GSAP: variants seen among roughly 807,000 people sequenced by gnomAD.
GSAP encodes gamma-secretase activating protein, also known as gamma-secretase-activating protein.
In GSAP, 118 loss-of-function variants were observed where a neutral mutation model predicts 131.7. That is an observed-to-expected ratio of 0.90 (90% CI 0.77 to 1.04). The LOEUF (loss-of-function observed/expected upper bound fraction) is 1.04, where lower values mean the gene tolerates loss of function less well. Ranked by LOEUF, GSAP falls within the 50% of genes least tolerant of loss-of-function variation. The pLI is 0.00. For synonymous variants in GSAP, 381 were observed against 363.4 expected, an observed-to-expected ratio of 1.05 and a Z score of -0.55; for missense variants, 1,019 against 1,013.2, an observed-to-expected ratio of 1.01 and a Z score of -0.08.
At chr7:77,360,219 C>T (rs1032396815) in intron 14 of GSAP, among the ~76,000 whole-genome samples, 1 of 152,186 alleles carries the variant, frequency 6.6e-6, no homozygotes, top group Non-Finnish European at 1.5e-5. Flanking sequence ...TAAATCATTA[C>T]TTAGTCTTGT....
chr7:77,313,446 T>G (rs1794634669), intron 28 of GSAP, 42 bp downstream of exon 28: 1 of 1,032,590 alleles, frequency 9.7e-7, no homozygotes, highest in South Asian at 1.4e-5. Context: ...AGGAGGGTAA[T>G]GCCAAAGCTT....
chr7:77,369,003 G>A (rs1795738175), intron 12 of GSAP, among the ~76,000 whole-genome samples: 1 of 152,188 alleles, frequency 6.6e-6, no homozygotes, highest in Non-Finnish European at 1.5e-5. Context: ...TTTGGACAAT[G>A]AAAACTACTG....
intron 19 of GSAP, among the ~76,000 whole-genome samples, chr7:77,342,882 C>T (rs1791220999): frequency 6.6e-6 from 1 of 152,130 alleles, no homozygotes; most frequent in African/African-American, 2.4e-5. Flanking sequence ...CAGTGCCAAA[C>T]CTATATACTC....
chr7:77,408,715 A>T (rs940351486), intron 1 of GSAP, among the ~76,000 whole-genome samples: 3 of 143,792 alleles, frequency 2.1e-5, no homozygotes, highest in Non-Finnish European at 4.6e-5. Context: ...AAAAAAAAAG[A>T]AAAGATAAAT....
At chr7:77,345,501 C>G (rs1296824794) in intron 19 of GSAP, among the ~76,000 whole-genome samples, 3 of 152,172 alleles carry the variant, frequency 2.0e-5, no homozygotes, top group Admixed American at 2.0e-4. Flanking sequence ...GTGACCTGCA[C>G]GTATACATCC....
chr7:77,328,662 TCACA>T (rs1286006323), intron 21 of GSAP, 25 bp from the exon 22 acceptor site: 2 of 1,405,674 alleles, frequency 1.4e-6, no homozygotes, highest in Admixed American at 1.7e-5. Context: ...GCCATGTTAT[TCACA>T]GACAGCATTG....
intron 1 of GSAP, among the ~76,000 whole-genome samples, chr7:77,413,612 G>T (rs1334218039): frequency 6.6e-6 from 1 of 152,172 alleles, no homozygotes; most frequent in Admixed American, 6.5e-5. Flanking sequence ...TAAGCAAAAG[G>T]AATGCATACA....
upstream of GSAP, chr7:77,416,410 T>TCCCGCCCCCTCTTTCCTCTCC (rs1259411782): frequency 5.2e-5 from 31 of 593,070 alleles, no homozygotes; most frequent in African/African-American, 1.4e-4. Context: ...GCGTCCCCGC[T>TCCCGCCCCCTCTTTCCTCTCC]CCCGCCCCCT....
chr7:77,391,154 G>GAA (rs1799468481), intron 5 of GSAP, among the ~76,000 whole-genome samples: 2 of 130,732 alleles, frequency 1.5e-5, no homozygotes, highest in East Asian at 4.8e-4. Flanking sequence ...AAAAGAAAAA[G>GAA]AAAAAGAATA....
At chr7:77,349,971 G>A (rs564643351) in intron 18 of GSAP, among the ~76,000 whole-genome samples, 1,547 of 152,056 alleles carry the variant, frequency 0.01, 24 homozygotes, top group African/African-American at 0.036. Flanking sequence ...ACATGCACAC[G>A]TATGTTTATT....
chr7:77,386,925 G>A (rs2151069844), intron 6 of GSAP, among the ~76,000 whole-genome samples: 1 of 152,294 alleles, frequency 6.6e-6, no homozygotes, highest in South Asian at 2.1e-4. Context: ...AGCAGAATAT[G>A]CAAATATGGA....
intron 5 of GSAP, among the ~76,000 whole-genome samples, chr7:77,396,164 T>A (rs1336532183): frequency 1.3e-5 from 2 of 152,000 alleles, no homozygotes; most frequent in Admixed American, 1.3e-4. Context: ...CCATGGGGCA[T>A]CCCTACCCTA....
chr7:77,392,995 T>C (rs1199533686), intron 5 of GSAP, among the ~76,000 whole-genome samples: 1 of 152,082 alleles, frequency 6.6e-6, no homozygotes, highest in East Asian at 1.9e-4. Context: ...TGGTTTCCTA[T>C]GGAAGTCCAT....
intron 14 of GSAP, 145 bp from the exon 15 acceptor site, chr7:77,355,792 T>TTTTTTTTTG (rs1793618134): frequency 2.0e-6 from 1 of 510,110 alleles, no homozygotes; most frequent in African/African-American, 2.2e-5. Context: ...AGCCCGTTTT[T>TTTTTTTTTG]TTTTTTTTTT....
intron 12 of GSAP, among the ~76,000 whole-genome samples, chr7:77,370,419 C>A (rs531285164): frequency 6.6e-6 from 1 of 152,132 alleles, no homozygotes; most frequent in Non-Finnish European, 1.5e-5. Flanking sequence ...TGAGAGAGTT[C>A]CATTGCACTC....
intron 13 of GSAP, among the ~76,000 whole-genome samples, chr7:77,362,311 A>ACC (rs150857580): frequency 6.6e-6 from 1 of 152,030 alleles, no homozygotes; most frequent in Admixed American, 6.6e-5. Context: ...ACATGGTGAA[A>ACC]CCCCATCTCC....
At chr7:77,361,981 G>A (rs1254711866) in intron 13 of GSAP, among the ~76,000 whole-genome samples, 2 of 152,108 alleles carry the variant, frequency 1.3e-5, no homozygotes, top group East Asian at 1.9e-4. Context: ...TCCAAATAGC[G>A]ATAACTAAAA....
At chr7:77,374,819 T>C (rs1389739873) in intron 11 of GSAP, among the ~76,000 whole-genome samples, 1 of 152,156 alleles carries the variant, frequency 6.6e-6, no homozygotes, top group African/African-American at 2.4e-5. Context: ...CCAAAATAAA[T>C]GGAGATGCAC....
intron 19 of GSAP, among the ~76,000 whole-genome samples, chr7:77,344,181 A>G (rs1450208497): frequency 1.3e-5 from 2 of 152,142 alleles, no homozygotes; most frequent in Non-Finnish European, 2.9e-5. Flanking sequence ...ACCTCTATAC[A>G]GTCCAATAAC....
Sources: gnomAD v4.1 joint callset for allele counts (sites outside exome capture counted in the v4.1 genomes callset) on GRCh38, gnomAD v4.1.1 for gene constraint, MANE v1.5 for transcripts, NCBI Gene and HGNC (gene_info 2026-07-23, HGNC 2026-07-21) for gene names.